Variants in CNOT1 observed in about 807,000 individuals in gnomAD.
CNOT1 encodes the protein CCR4-associated factor 1.
In CNOT1, 15 loss-of-function variants were observed where a neutral mutation model predicts 273.8. The observed-to-expected ratio is 0.05, with a 90% CI of 0.04 to 0.08. The LOEUF (loss-of-function observed/expected upper bound fraction) is 0.08. Among genes scored for constraint, CNOT1 ranks in the 10% least tolerant of loss-of-function variants. The pLI, the probability that CNOT1 is intolerant of heterozygous loss-of-function variation, is 1.00. For synonymous variants in CNOT1, 1,022 were observed against 1,005.5 expected (o/e 1.02, Z -0.31); for missense variants, 1,644 against 2,912.2 (o/e 0.56, Z 10.02).
chr16:58,522,267 A>G (rs1013262685), intron 47 of CNOT1, among the ~76,000 whole-genome samples: 1 of 133,130 alleles, frequency 7.5e-6, no homozygotes, highest in African/African-American at 2.8e-5. Context: ...AAAAAAAAAA[A>G]GCTAACATTG....
At chr16:58,596,428 G>A (rs1309924154) in intron 2 of CNOT1, among the ~76,000 whole-genome samples, 2 of 152,142 alleles carry the variant, frequency 1.3e-5, no homozygotes, top group African/African-American at 2.4e-5. Context: ...ACAAAATTCT[G>A]CCTCACAGGT....
In CNOT1 at chr16:58,520,561, C is replaced by G. The variant is rs1206087383; in HGVS notation, c.*397G>C. On this transcript the variant is annotated 3_prime_UTR_variant, in exon 49 of 49. Coordinates refer to ENST00000317147, the MANE Select transcript of CNOT1 (RefSeq NM_016284.5). ...GGCTTTTTGCTATTCTTTGGGACAC[C>G]AGGAATGTCAGAAGACATGGAGCTA... 1 of 187,506 alleles carries G rather than the reference C, an allele frequency of 5.3e-6. No individual in the cohort carries two copies. Among genetic ancestry groups the G allele is most frequent in the Non-Finnish European group, 1.1e-5 (1 of 89,056 alleles). 11.6% of individuals were successfully genotyped at this position (187,506 alleles called of 1,614,324 possible). A position where few individuals can be genotyped will look rare whatever the true frequency, so the allele number is the denominator to read the frequency against.
At chr16:58,560,650 G>A (rs1429138776) in intron 16 of CNOT1, among the ~76,000 whole-genome samples, 4 of 152,110 alleles carry the variant, frequency 2.6e-5, no homozygotes, top group Admixed American at 6.6e-5. Context: ...AGGCTGAGGC[G>A]GAAGGATTGC....
At chr16:58,523,064 G>A (rs39719) in intron 47 of CNOT1, 19,845 of 169,160 alleles carry the variant, frequency 0.12, 1,518 homozygotes, top group Non-Finnish European at 0.16. Flanking sequence ...TGGCCAACAT[G>A]GTGAAACCCC....
At chr16:58,585,269 CTTTT>C in intron 8 of CNOT1, 65 bp downstream of exon 8, 1 of 1,582,792 alleles carries the variant, frequency 6.3e-7, no homozygotes, top group South Asian at 1.2e-5. Flanking sequence ...ATTTTAGAGA[CTTTT>C]TTTAAAGAAT....
chr16:58,629,422 CCT>C (rs1362267528), intron 1 of CNOT1, among the ~76,000 whole-genome samples: 3 of 152,162 alleles, frequency 2.0e-5, no homozygotes, highest in East Asian at 1.9e-4. Flanking sequence ...GCTGCCGCCC[CCT>C]GAGCCTCCAG....
At chr16:58,554,935 C>CAAAAAAAAAAAAAAAAAAA (rs56180546) in intron 21 of CNOT1, among the ~76,000 whole-genome samples, 4 of 78,910 alleles carry the variant, frequency 5.1e-5, no homozygotes, top group African/African-American at 2.0e-4. Flanking sequence ...GACTCCATCT[C>CAAAAAAAAAAAAAAAAAAA]AAAAAAAAAA....
chr16:58,568,898 A>G lies in CNOT1; in HGVS notation c.1979+5711T>C, dbSNP rs188912596. ...AAAGTCACTAAACAAAAAAAGGGCA[A>G]TAACGAACAATGTGCTCTGCTGAAG... On this transcript the variant is annotated intron_variant, in intron 16 of 48. Coordinates refer to ENST00000317147, the MANE Select transcript of CNOT1 (RefSeq NM_016284.5). Among the ~76,000 whole-genome samples, 5 of 152,336 alleles carry G rather than the reference A, an allele frequency of 3.3e-5. No homozygotes were observed. The East Asian group carries it at 9.6e-4, about 29-fold the overall frequency.
rs200564078 is a variant in CNOT1, at chr16:58,553,768, C to T, written c.2970+14G>A. On this transcript the variant is annotated intron_variant, in intron 22 of 48. Transcript: ENST00000317147. The stretch of plus-strand genomic sequence containing the variant: ...TACATAGCTATTTGGGTTTTAGTTA[C>T]AGAGGGCACTTACCTCCTGTAAATG... The T allele has an allele frequency of 2.1e-3, 3,382 of 1,605,558 alleles. 8 individuals are homozygous for T. Among genetic ancestry groups the T allele is most frequent in the Middle Eastern group, 3.8e-3 (23 of 6,024 alleles).
chr16:58,595,208 C>T (rs1359290785), intron 2 of CNOT1, among the ~76,000 whole-genome samples: 1 of 151,148 alleles, frequency 6.6e-6, no homozygotes, highest in South Asian at 2.1e-4. Flanking sequence ...AAAAGAGGAA[C>T]CAGACCAAAA....
chr16:58,609,854 TATC>T (rs201817452), intron 1 of CNOT1, among the ~76,000 whole-genome samples: 4 of 150,152 alleles, frequency 2.7e-5, no homozygotes, highest in Admixed American at 1.3e-4. Context: ...TATATATATA[TATC>T]ATATTATATA....
chr16:58,578,373 G>T (rs1199375952), intron 13 of CNOT1, among the ~76,000 whole-genome samples: 2 of 147,568 alleles, frequency 1.4e-5, no homozygotes, highest in Non-Finnish European at 3.0e-5. Context: ...AGAATCACTT[G>T]AACCCAGGAG....
At position 58,543,828 on chromosome 16, in the gene CNOT1, C is replaced by A; in HGVS notation, c.4213G>T (p.Val1405Phe). ...ATTGATCGATCCACCACAGGATGGA[C>A]CAGCTCCTGGACAGCCCGTTCAATT... ...QAIERAVQEL[V>F]HPVVDRSIKI... The change falls in exon 31 of 49, where the codon GTC (valine) becomes TTC (phenylalanine). Residue 1405 changes from valine to phenylalanine, a missense_variant. Val to Phe is a conservative substitution (Grantham distance 50). Coordinates refer to ENST00000317147, the MANE Select transcript of CNOT1 (RefSeq NM_016284.5). 1 of 1,614,104 alleles carries A rather than the reference C, an allele frequency of 6.2e-7. No homozygotes were observed.
intron 29 of CNOT1, 96 bp downstream of exon 29, chr16:58,546,225 T>A (rs754520073): frequency 7.5e-6 from 8 of 1,066,964 alleles, no homozygotes; most frequent in Non-Finnish European, 1.1e-5. Context: ...CACTACATTA[T>A]GTGGGAAATT....
In CNOT1 at chr16:58,578,876, G is replaced by C; in HGVS notation, c.1407C>G (p.Val469=). 2 of 1,614,166 alleles carry C rather than the reference G, an allele frequency of 1.2e-6. No homozygotes were observed. The highest frequency in any genetic ancestry group is 1.7e-6 in the Non-Finnish European group (2 of 1,180,040). Residue 469 remains valine, a synonymous_variant, in exon 13 of 49, where the codon GTC becomes GTG. Coordinates refer to ENST00000317147, the MANE Select transcript of CNOT1 (RefSeq NM_016284.5). The part of the protein sequence containing the change: ...RLAEVGQYEQ[V]KQLFSFPIKH... ...TGATAGGGAAGCTGAAGAGCTGTTTGACTTGCTCATACTGCCCAACCTCTG... is the reference window on the plus strand; with the variant it reads ...TGATAGGGAAGCTGAAGAGCTGTTTCACTTGCTCATACTGCCCAACCTCTG...
At chr16:58,593,775 A>G (rs1012418566) in intron 2 of CNOT1, among the ~76,000 whole-genome samples, 1 of 152,232 alleles carries the variant, frequency 6.6e-6, no homozygotes, top group African/African-American at 2.4e-5. Flanking sequence ...GATAGCAACC[A>G]TATTCACAGT....
chr16:58,560,059 T>C, intron 17 of CNOT1, 153 bp downstream of exon 17: 5 of 1,503,340 alleles, frequency 3.3e-6, no homozygotes, highest in Non-Finnish European at 4.5e-6. Context: ...TTAACTACAA[T>C]GCCTATTTAC....
rs1309246092 is a variant in CNOT1, at chr16:58,523,397, G to A, written c.6890C>T (p.Thr2297Met). The change falls in exon 47 of 49, where the codon ACG (threonine) becomes ATG (methionine). Residue 2297 changes from threonine (T) to methionine (M), a missense_variant. Physicochemically the swap from Thr to Met is moderately conservative, Grantham distance 81. Coordinates refer to ENST00000317147, the MANE Select transcript of CNOT1 (RefSeq NM_016284.5). ...TMLYLFAEAN[T>M]EAIQEQITRV... ...TGTGATCTGTTCTTGGATGGCTTCC[G>A]TATTGGCCTCTGCAAAAAGGTACAG... 3.1e-6 allele frequency: 5 copies of A among 1,613,600 alleles called. No homozygotes were observed. The highest frequency in any genetic ancestry group is 1.1e-5 in the South Asian group (1 of 91,014).
intron 1 of CNOT1, among the ~76,000 whole-genome samples, chr16:58,609,068 C>G (rs954742030): frequency 6.6e-6 from 1 of 152,194 alleles, no homozygotes; most frequent in Non-Finnish European, 1.5e-5. Context: ...CAAATTCTCA[C>G]AGATCACCAC....
Sources: allele counts gnomAD v4.1 joint callset (sites outside exome capture counted in the v4.1 genomes callset), GRCh38; gene constraint gnomAD v4.1.1; transcripts MANE v1.5; gene names NCBI Gene and HGNC (gene_info 2026-07-23, HGNC 2026-07-21).